The following MGAT3 variants were observed in gnomAD, a reference collection of about 807,000 sequenced individuals.
MGAT3 encodes the protein beta-1,4-mannosyl-glycoprotein 4-beta-N-acetylglucosaminyltransferase.
MGAT3 carries 9 observed loss-of-function variants against 29.8 expected under a neutral mutation model. That is an observed-to-expected ratio of 0.30 (90% CI 0.18 to 0.53). MGAT3 has a LOEUF of 0.53. Among genes scored for constraint, MGAT3 ranks in the 20% least tolerant of loss-of-function variants. The probability of loss-of-function intolerance (pLI) is 0.96; values close to 1 mark genes in which losing one functional copy is unlikely to be tolerated. For missense variants in MGAT3, 557 were observed against 769.5 expected, an observed-to-expected ratio of 0.72 and a Z score of 3.27; for synonymous variants, 397 against 348.9, an observed-to-expected ratio of 1.14 and a Z score of -1.54.
chr22:39,467,272 T>C (rs969320509), intron 1 of MGAT3, among the ~76,000 whole-genome samples: 1 of 151,660 alleles, frequency 6.6e-6, no homozygotes, highest in African/African-American at 2.4e-5. Flanking sequence ...GCCATTGCAG[T>C]GAGAGCTGGT....
intron 1 of MGAT3, among the ~76,000 whole-genome samples, chr22:39,474,025 A>C (rs1928883780): frequency 6.6e-6 from 1 of 151,950 alleles, no homozygotes; most frequent in South Asian, 2.1e-4. Flanking sequence ...AGCCTCCTTT[A>C]AGCTGCAGGA....
chr22:39,465,593 T>C (rs1601718661), intron 1 of MGAT3, among the ~76,000 whole-genome samples: 1 of 152,138 alleles, frequency 6.6e-6, no homozygotes, highest in Admixed American at 6.5e-5. Flanking sequence ...TGCTTAGCAC[T>C]CAATTTCCAT....
At chr22:39,463,910 A>G (rs959405565) in intron 1 of MGAT3, among the ~76,000 whole-genome samples, 1 of 150,288 alleles carries the variant, frequency 6.7e-6, no homozygotes, top group Non-Finnish European at 1.5e-5. Flanking sequence ...GCAAGACCAT[A>G]TCTCAAAAAT....
In MGAT3 at chr22:39,488,612, G is replaced by T; in HGVS notation, c.1265G>T (p.Cys422Phe). The T allele has an allele frequency of 6.2e-7, 1 of 1,613,304 alleles. No homozygotes were observed. The highest frequency in any genetic ancestry group is 8.5e-7 in the Non-Finnish European group (1 of 1,180,020). ...TTCGCCGGCTGGCACTGCTCCTGGTGCTTCACGCCCGAGGGCATCTACTTC... is the reference window on the plus strand; with the variant it reads ...TTCGCCGGCTGGCACTGCTCCTGGTTCTTCACGCCCGAGGGCATCTACTTC... ...LHFAGWHCSW[C>F]FTPEGIYFKL... The change falls in exon 2 of 2, where the codon TGC becomes TTC. Residue 422 changes from cysteine to phenylalanine, a missense_variant. Physicochemically the swap from Cys to Phe is radical, Grantham distance 205. This residue lies in a region of MGAT3 where 243 missense variants were observed against 444.0 expected (regional missense o/e 0.55). Transcript: ENST00000341184.
chr22:39,460,383 A>G (rs1928463762), intron 1 of MGAT3, among the ~76,000 whole-genome samples: 1 of 152,182 alleles, frequency 6.6e-6, no homozygotes, highest in Non-Finnish European at 1.5e-5. Flanking sequence ...GCAAGGAAAG[A>G]GTCACTAAAA....
At position 39,475,128 on chromosome 22, in the gene MGAT3, C is replaced by CTTTTTTTTTTTTTTTTTT. The variant is rs58543840; in HGVS notation, c.-1-12214_-1-12197dup. On this transcript the variant is annotated intron_variant, in intron 1 of 1. Transcript: ENST00000341184. ...TGAATTCACAGCAGGGCTTGCCAGG[C>CTTTTTTTTTTTTTTTTTT]TTTTTTTTTTTTTTTTTTTTTTAAC... 2.4e-4 allele frequency among the ~76,000 whole-genome samples: 29 copies of CTTTTTTTTTTTTTTTTTT among 118,766 alleles called. 2 individuals carry two copies. The highest frequency in any genetic ancestry group is 1.0e-3 in the African/African-American group (27 of 27,056). The allele number at this position is 118,766 out of a possible 152,430, so 77.9% of individuals were successfully genotyped here.
In MGAT3 at chr22:39,488,466, G is replaced by A; in HGVS notation, c.1119G>A (p.Val373=). 6.2e-7 allele frequency: 1 copy of A among 1,612,884 alleles called. No homozygotes were observed. Among genetic ancestry groups the A allele is most frequent in the Non-Finnish European group, 8.5e-7 (1 of 1,180,002 alleles). Residue 373 remains valine (V), a synonymous_variant, in exon 2 of 2, where the codon GTG becomes GTA. Transcript: ENST00000341184. ...SGCTVDMLQA[V]YGLDGIRLRR... is the part of the protein sequence containing the mutation. ...GCACGGTGGACATGCTGCAGGCAGT[G>A]TATGGGCTGGACGGCATCCGCCTGC...
chr22:39,489,959 T>G lies in MGAT3; in HGVS notation c.*1010T>G, dbSNP rs1379202577. The stretch of plus-strand genomic sequence containing the variant: ...GGGCCAGAAAGGGGCCATGAGGCTG[T>G]CTTGGGCCCAAAAAGGGACAATAAG... On this transcript the variant is annotated 3_prime_UTR_variant, in exon 2 of 2. Coordinates refer to ENST00000341184, the MANE Select transcript of MGAT3 (RefSeq NM_002409.5). The G allele has an allele frequency of 3.6e-5, 6 of 167,366 alleles. No homozygotes were observed. Among genetic ancestry groups the G allele is most frequent in the Non-Finnish European group, 1.5e-5 (1 of 68,220 alleles). The allele number at this position is 167,366 out of a possible 1,614,324, so 10.4% of individuals were successfully genotyped here.
chr22:39,479,678 G>A (rs1929069487), intron 1 of MGAT3, among the ~76,000 whole-genome samples: 1 of 152,232 alleles, frequency 6.6e-6, no homozygotes, highest in Non-Finnish European at 1.5e-5. Context: ...AGTGCTTACT[G>A]TGTGCTAGGC....
At position 39,489,147 on chromosome 22, in the gene MGAT3, T is replaced by G; in HGVS notation, c.*198T>G. On this transcript the variant is annotated 3_prime_UTR_variant, in exon 2 of 2. Transcript: ENST00000341184. ...TTGAGCTCAGAAAATATCCCTCCTG[T>G]TGGGAGAGGGCGCAGGCCGTGACGT... 1.3e-6 allele frequency: 1 copy of G among 776,142 alleles called. No homozygotes were observed. The highest frequency in any genetic ancestry group is 2.1e-6 in the Non-Finnish European group (1 of 486,030). 48.1% of individuals were successfully genotyped at this position (776,142 alleles called of 1,614,324 possible). A position where few individuals can be genotyped will look rare whatever the true frequency, so the allele number is the denominator to read the frequency against.
At chr22:39,477,714 G>A (rs1029532811) in intron 1 of MGAT3, 4 of 152,244 alleles carry the variant, frequency 2.6e-5, no homozygotes, top group African/African-American at 9.7e-5. Flanking sequence ...GAGAAGCTAA[G>A]TAACTTGCCA....
chr22:39,473,756 T>C (rs1298684069), intron 1 of MGAT3, among the ~76,000 whole-genome samples: 1 of 150,580 alleles, frequency 6.6e-6, no homozygotes, highest in East Asian at 2.0e-4. Context: ...GACCCCTCGC[T>C]TGCTTGTCTC....
At position 39,472,178 on chromosome 22, in the gene MGAT3, C is replaced by T. The variant is rs140107927; in HGVS notation, c.-2+14621C>T. 2.4e-4 allele frequency among the ~76,000 whole-genome samples: 36 copies of T among 152,116 alleles called. 1 individual carries two copies. In the East Asian group the frequency reaches 7.0e-3, roughly 30 times the overall value. On this transcript the variant is annotated intron_variant, in intron 1 of 1. Transcript: ENST00000341184. The stretch of plus-strand genomic sequence containing the variant: ...GCCAGCAGTACAATAGCTGTCTGGC[C>T]GTCTCCTGTGGGCAGAATCCAGCCT...
chr22:39,457,508 AGCC>A lies in MGAT3; in HGVS notation c.-39_-37del. 3 of 148,144 alleles carry A rather than the reference AGCC, an allele frequency of 2.0e-5. No individual in the cohort carries two copies. The highest frequency in any genetic ancestry group is 2.5e-5 in the African/African-American group (1 of 40,444). 9.2% of individuals were successfully genotyped at this position (148,144 alleles called of 1,614,324 possible). A position where few individuals can be genotyped will look rare whatever the true frequency, so the allele number is the denominator to read the frequency against. On this transcript the variant is annotated 5_prime_UTR_variant, in exon 1 of 2. Coordinates refer to ENST00000341184, the MANE Select transcript of MGAT3 (RefSeq NM_002409.5). The surrounding 1 kb of genome is among the most constrained non-coding windows in gnomAD (Gnocchi z 6.8). ...CCGCCGGGGACCCCGGGGGCCGCGGAGCCGCCGCCGCCGCTGCTGCCGCCGTTG... is the reference window on the plus strand; with the variant it reads ...CCGCCGGGGACCCCGGGGGCCGCGGAGCCGCCGCCGCTGCTGCCGCCGTTG...
At position 39,491,596 on chromosome 22, in the gene MGAT3, G is replaced by C. The variant is rs1022969991; in HGVS notation, c.*2647G>C. 5 of 166,754 alleles carry C rather than the reference G, an allele frequency of 3.0e-5. No individual in the cohort carries two copies. Among genetic ancestry groups the C allele is most frequent in the African/African-American group, 9.6e-5 (4 of 41,458 alleles). The allele number at this position is 166,754 out of a possible 1,614,324, so 10.3% of individuals were successfully genotyped here. ...CTCTGCCTTCCTCACAGACCTGGTG[G>C]GGCAGGTCCTGTTCACAGCAGCAGG... On this transcript the variant is annotated 3_prime_UTR_variant, in exon 2 of 2. Transcript: ENST00000341184. The surrounding 1 kb of genome is among the most constrained non-coding windows in gnomAD (Gnocchi z 5.5).
At chr22:39,482,141 C>T (rs1184721546) in intron 1 of MGAT3, among the ~76,000 whole-genome samples, 1 of 142,978 alleles carries the variant, frequency 7.0e-6, no homozygotes, top group Non-Finnish European at 1.5e-5. Context: ...AAAGTAGGCA[C>T]TGCTAATTTT....
At chr22:39,474,649 G>C (rs1180458269) in intron 1 of MGAT3, among the ~76,000 whole-genome samples, 1 of 152,234 alleles carries the variant, frequency 6.6e-6, no homozygotes, top group Non-Finnish European at 1.5e-5. Flanking sequence ...GCCCTGCAGA[G>C]GGGACCCTTT....
At position 39,488,978 on chromosome 22, in the gene MGAT3, A is replaced by G; in HGVS notation, c.*29A>G. The G allele has an allele frequency of 7.2e-7, 1 of 1,380,726 alleles. No homozygotes were observed. Among genetic ancestry groups the G allele is most frequent in the Non-Finnish European group, 9.6e-7 (1 of 1,042,656 alleles). The allele number at this position is 1,380,726 out of a possible 1,614,324, so 85.5% of individuals were successfully genotyped here. A position where few individuals can be genotyped will look rare whatever the true frequency, so the allele number is the denominator to read the frequency against. ...TGCATGATCTGATAGGGTTTGTGAC[A>G]GGGCGGGGGTGGCGGCGGCCCCTAG... On this transcript the variant is annotated 3_prime_UTR_variant, in exon 2 of 2. Transcript: ENST00000341184.
At chr22:39,478,234 G>C (rs145583760) in intron 1 of MGAT3, among the ~76,000 whole-genome samples, 1 of 152,356 alleles carries the variant, frequency 6.6e-6, no homozygotes, top group Admixed American at 6.5e-5. Flanking sequence ...GGGGGCAGTG[G>C]ATGGGCTACT....
Sources: allele counts gnomAD v4.1 joint callset (sites outside exome capture counted in the v4.1 genomes callset), GRCh38; gene constraint gnomAD v4.1.1; regional missense constraint gnomAD v4.1.1; non-coding constraint Gnocchi (gnomAD v3.1); transcripts MANE v1.5; gene names NCBI Gene and HGNC (gene_info 2026-07-23, HGNC 2026-07-21).